The following PUM2 variants were observed in gnomAD, a reference collection of about 807,000 sequenced individuals.
PUM2 encodes pumilio homolog 2.
PUM2 carries 57 observed loss-of-function variants against 124.5 expected under a neutral mutation model. That is an observed-to-expected ratio of 0.46 (90% CI 0.37 to 0.57). The LOEUF (loss-of-function observed/expected upper bound fraction) is 0.57, where lower values mean the gene tolerates loss of function less well. Among genes scored for constraint, PUM2 ranks in the 20% least tolerant of loss-of-function variants. The pLI is 0.00. For synonymous variants in PUM2, 460 were observed against 446.1 expected (o/e 1.03, Z -0.39); for missense variants, 1,065 against 1,290.6 (o/e 0.83, Z 2.68).
At chr2:20,344,101 T>G (rs962419962) in intron 1 of PUM2, among the ~76,000 whole-genome samples, 9 of 152,212 alleles carry the variant, frequency 5.9e-5, no homozygotes, top group Non-Finnish European at 1.3e-4. Context: ...AGGGCCTCAC[T>G]CTGTTGCCCA....
At position 20,308,323 on chromosome 2, in the gene PUM2, G is replaced by C. The variant is rs1454406374; in HGVS notation, c.780C>G (p.Ser260=). The change falls in exon 6 of 21, where the codon TCC becomes TCG. Residue 260 remains serine, a synonymous_variant. Coordinates refer to ENST00000361078, the MANE Select transcript of PUM2 (RefSeq NM_015317.5). ...AAGAACATGCTTTTACCTGCTGCTG[G>C]GAATTGTAGTCAAAAAGGCCTACAG... ...GATVGLFDYN[S]QQQLFQRTNA... is the part of the protein sequence containing the mutation. The C allele has an allele frequency of 1.2e-6, 2 of 1,613,170 alleles. No individual in the cohort carries two copies. Among genetic ancestry groups the C allele is most frequent in the Admixed American group, 3.3e-5 (2 of 59,914 alleles).
chr2:20,264,148 C>A (rs1666959179), intron 13 of PUM2, among the ~76,000 whole-genome samples: 1 of 150,596 alleles, frequency 6.6e-6, no homozygotes, highest in Non-Finnish European at 1.5e-5. Flanking sequence ...ACCAGCCTGG[C>A]CAACGTGGTG....
At chr2:20,336,709 GT>G (rs1686128726) in intron 1 of PUM2, among the ~76,000 whole-genome samples, 5 of 146,712 alleles carry the variant, frequency 3.4e-5, no homozygotes, top group Admixed American at 3.4e-4. Flanking sequence ...GTGTGTGTGT[GT>G]GTTACAGACG....
At chr2:20,326,505 T>C in intron 2 of PUM2, 1 of 902,824 alleles carries the variant, frequency 1.1e-6, no homozygotes, top group Non-Finnish European at 1.6e-6. Flanking sequence ...TGTTATCTTC[T>C]ATTATCAAAG....
chr2:20,318,133 A>G (rs892187874), intron 3 of PUM2, among the ~76,000 whole-genome samples: 1 of 152,212 alleles, frequency 6.6e-6, no homozygotes. Flanking sequence ...CAATGGCTGA[A>G]CTAATTTACA....
intron 1 of PUM2, among the ~76,000 whole-genome samples, chr2:20,344,070 CTTTAT>C (rs1050598502): frequency 4.9e-5 from 5 of 101,740 alleles, no homozygotes; most frequent in African/African-American, 1.4e-4. Flanking sequence ...TTTTATTTTA[CTTTAT>C]TTTATTTTTT....
chr2:20,349,805 T>C (rs1688952340), intron 1 of PUM2, among the ~76,000 whole-genome samples: 1 of 152,260 alleles, frequency 6.6e-6, no homozygotes, highest in African/African-American at 2.4e-5. Context: ...ACATGATGTC[T>C]TATTGCACCT....
chr2:20,313,308 C>T (rs1680094060), intron 3 of PUM2, among the ~76,000 whole-genome samples: 2 of 152,188 alleles, frequency 1.3e-5, no homozygotes, highest in African/African-American at 4.8e-5. Context: ...TTGGTTGAGA[C>T]TAACTGGCTG....
intron 2 of PUM2, among the ~76,000 whole-genome samples, chr2:20,323,908 C>CAAAAAAAAAAA (rs397984008): frequency 6.8e-5 from 4 of 58,436 alleles, no homozygotes; most frequent in Admixed American, 2.7e-4. Flanking sequence ...TACGGACTAG[C>CAAAAAAAAAAA]AAAAAAAAAA....
intron 2 of PUM2, among the ~76,000 whole-genome samples, chr2:20,322,038 C>T (rs1028483145): frequency 1.3e-5 from 2 of 152,002 alleles, no homozygotes; most frequent in Admixed American, 6.5e-5. Context: ...ACCTATACTT[C>T]AGACTTTTTA....
At chr2:20,327,733 C>T (rs1451894673) in intron 1 of PUM2, among the ~76,000 whole-genome samples, 1 of 151,970 alleles carries the variant, frequency 6.6e-6, no homozygotes, top group Non-Finnish European at 1.5e-5. Flanking sequence ...GGCATTTCTG[C>T]CCGAGGGAAG....
At chr2:20,301,440 A>G (rs1003791629) in intron 7 of PUM2, among the ~76,000 whole-genome samples, 3 of 152,218 alleles carry the variant, frequency 2.0e-5, no homozygotes, top group Non-Finnish European at 4.4e-5. Context: ...GGAAAGTGAA[A>G]ATCCTCATGT....
intron 7 of PUM2, among the ~76,000 whole-genome samples, chr2:20,305,411 G>C (rs1424329267): frequency 1.5e-5 from 2 of 136,162 alleles, no homozygotes; most frequent in African/African-American, 2.7e-5. Context: ...CTGGGAAGCT[G>C]AGGCTGTACC....
Position 20,340,654 on chromosome 2 carries a change from T to C in PUM2, c.-19+9943A>G, listed in dbSNP as rs151103546. On this transcript the variant is annotated intron_variant, in intron 1 of 20. Coordinates refer to ENST00000361078, the MANE Select transcript of PUM2 (RefSeq NM_015317.5). ...GACAGGCGGATTTTTATTAGTATTTTTTAGGCTCTCCAGGTGATGCTTTCC... is the reference window on the plus strand; with the variant it reads ...GACAGGCGGATTTTTATTAGTATTTCTTAGGCTCTCCAGGTGATGCTTTCC... 1.6e-3 allele frequency among the ~76,000 whole-genome samples: 237 copies of C among 152,342 alleles called. 1 individual carries two copies. The highest frequency in any genetic ancestry group is 5.5e-3 in the African/African-American group (228 of 41,580).
rs538641981 is a variant in PUM2 at position 20,287,595 on chromosome 2, G to A, written c.1291+3057C>T. On this transcript the variant is annotated intron_variant, in intron 10 of 20. Coordinates refer to ENST00000361078, the MANE Select transcript of PUM2 (RefSeq NM_015317.5). ...ATATGGTCTAGTGCATTAAAGCACA[G>A]GACTATGAAGGAAGTTGAGAGATTT... is the stretch of plus-strand genomic sequence containing the variant. 9.1e-4 allele frequency among the ~76,000 whole-genome samples: 138 copies of A among 152,290 alleles called. 1 individual carries two copies. The highest frequency in any genetic ancestry group is 2.0e-3 in the Admixed American group (30 of 15,298).
Position 20,260,500 on chromosome 2 carries a change from T to C in PUM2, c.2226-34A>G, listed in dbSNP as rs756484169. On this transcript the variant is annotated intron_variant, in intron 14 of 20. Transcript: ENST00000361078. ...GGAACATTTTTAATATGACAATATG[T>C]TTTTTAATACACTTGAGTATTACAC... 8.3e-6 allele frequency: 13 copies of C among 1,559,660 alleles called. No homozygotes were observed. The East Asian group carries it at 2.9e-4, about 35-fold the overall frequency.
chr2:20,253,875 G>A lies in PUM2; in HGVS notation c.3010C>T (p.Gln1004Ter). The change falls in exon 20 of 21, where the codon CAA (glutamine) becomes TAA (stop). Residue 1004 changes from glutamine (Q) to a stop codon, truncating the protein, a stop_gained. Coordinates refer to ENST00000361078, the MANE Select transcript of PUM2 (RefSeq NM_015317.5). LOFTEE classifies it high-confidence loss of function. Reference sequence around the variant, plus strand: ...GGTTCAGCCATATCAATCATCTTTTGAACCACGTAATTGGCATACTGGTCC... The same window carrying A: ...GGTTCAGCCATATCAATCATCTTTTAAACCACGTAATTGGCATACTGGTCC... ...MKDQYANYVV[Q>*]KMIDMAEPAQ... 6.2e-7 allele frequency: 1 copy of A among 1,613,918 alleles called. No homozygotes were observed. Among genetic ancestry groups the A allele is most frequent in the Non-Finnish European group, 8.5e-7 (1 of 1,179,892 alleles).
chr2:20,252,828 T>C (rs1663777509), intron 20 of PUM2, among the ~76,000 whole-genome samples: 1 of 152,210 alleles, frequency 6.6e-6, no homozygotes, highest in Admixed American at 6.5e-5. Flanking sequence ...TAAATGTAGT[T>C]TGCCATCTGC....
At chr2:20,269,791 TA>T (rs1668606604) in intron 13 of PUM2, among the ~76,000 whole-genome samples, 1 of 152,206 alleles carries the variant, frequency 6.6e-6, no homozygotes, top group Non-Finnish European at 1.5e-5. Flanking sequence ...CAGCAATTTT[TA>T]AAAATCTTAC....
Sources: allele counts gnomAD v4.1 joint callset (sites outside exome capture counted in the v4.1 genomes callset), GRCh38; gene constraint gnomAD v4.1.1; transcripts MANE v1.5; gene names NCBI Gene and HGNC (gene_info 2026-07-23, HGNC 2026-07-21).